ARRDC3: variants seen among roughly 807,000 people sequenced by gnomAD.
ARRDC3 encodes the protein arrestin domain-containing protein 3.
ARRDC3 carries 10 observed loss-of-function variants against 47.2 expected under a neutral mutation model. The ratio of observed to expected loss-of-function variants is 0.21; its 90% CI spans 0.13 to 0.36. ARRDC3 has a LOEUF of 0.36. Ranked by LOEUF, ARRDC3 falls within the 10% of genes least tolerant of loss-of-function variation. The pLI is 1.00. For synonymous variants in ARRDC3, 156 were observed against 178.3 expected (o/e 0.87, Z 1.00); for missense variants, 381 against 503.6 (o/e 0.76, Z 2.33).
In ARRDC3 at chr5:91,371,166, G is replaced by A. The variant is rs917562134; in HGVS notation, c.*234C>T. 1 of 532,756 alleles carries A rather than the reference G, an allele frequency of 1.9e-6. No individual in the cohort carries two copies. The highest frequency in any genetic ancestry group is 3.5e-5 in the Admixed American group (1 of 28,468). The allele number at this position is 532,756 out of a possible 1,614,324, so 33.0% of individuals were successfully genotyped here. A position where few individuals can be genotyped will look rare whatever the true frequency, so the allele number is the denominator to read the frequency against. On this transcript the variant is annotated 3_prime_UTR_variant, in exon 8 of 8. Coordinates refer to ENST00000265138, the MANE Select transcript of ARRDC3 (RefSeq NM_020801.4). ...CCATAGGCTAAGAAGACTGCTCTGA[G>A]TATGTGCCAGTTTTAAAAGAGAAAA...
chr5:91,382,256 G>T (rs892466355), intron 1 of ARRDC3, among the ~76,000 whole-genome samples: 15 of 152,120 alleles, frequency 9.9e-5, no homozygotes, highest in Non-Finnish European at 1.9e-4. Flanking sequence ...AAAGAATAGA[G>T]AAAAAACACG....
intron 2 of ARRDC3, 36 bp downstream of exon 2, chr5:91,378,658 G>A (rs1266079902): frequency 8.9e-7 from 1 of 1,119,264 alleles, no homozygotes; most frequent in South Asian, 1.4e-5. Context: ...CTGATCATAA[G>A]TATCTATAAA....
rs1052296873 is a variant in ARRDC3, at chr5:91,373,795, C to T, written c.1077G>A (p.Arg359=). The T allele has an allele frequency of 6.2e-7, 1 of 1,614,068 alleles. No homozygotes were observed. The highest frequency in any genetic ancestry group is 1.1e-5 in the South Asian group (1 of 91,084). Residue 359 remains arginine, a synonymous_variant, in exon 7 of 8, where the codon CGG becomes CGA. Transcript: ENST00000265138. ...YAEVVTEEQR[R]NNLAPVSACD... is the part of the protein sequence containing the mutation. ...AAGCACTCACTGGTGCAAGATTGTTCCGCCTTTGTTCCTCTGTTACCACTT... is the reference window on the plus strand; with the variant it reads ...AAGCACTCACTGGTGCAAGATTGTTTCGCCTTTGTTCCTCTGTTACCACTT...
chr5:91,375,262 G>C, intron 4 of ARRDC3, 84 bp from the exon 5 acceptor site: 1 of 1,407,976 alleles, frequency 7.1e-7, no homozygotes, highest in Non-Finnish European at 9.6e-7. Flanking sequence ...AAGTAAGAAA[G>C]TGCAACTAAC....
chr5:91,373,989 A>G, intron 6 of ARRDC3, 125 bp downstream of exon 6: 4 of 1,412,548 alleles, frequency 2.8e-6, no homozygotes, highest in Middle Eastern at 2.0e-4. Context: ...ACTGAATATT[A>G]GGGGCACATC....
Position 91,378,692 on chromosome 5 carries a change from AC to A in ARRDC3, c.362+1del, listed in dbSNP as rs1393304764. Reference sequence around the variant, plus strand: ...AAAATGCCTATTATTTATAATACTTACGTCTGTGGAAGCTCGAAGCTGAATG... The same window carrying A: ...AAAATGCCTATTATTTATAATACTTAGTCTGTGGAAGCTCGAAGCTGAATG... On this transcript the variant is annotated splice_donor_variant, in intron 2 of 7. Transcript: ENST00000265138. LOFTEE classifies it high-confidence loss of function. 2 of 1,545,612 alleles carry A rather than the reference AC, an allele frequency of 1.3e-6. No individual in the cohort carries two copies. The highest frequency in any genetic ancestry group is 1.4e-5 in the African/African-American group (1 of 72,626).
chr5:91,372,471 G>T (rs572165465), intron 7 of ARRDC3, among the ~76,000 whole-genome samples: 1 of 152,180 alleles, frequency 6.6e-6, no homozygotes, highest in East Asian at 1.9e-4. Flanking sequence ...GGACAGCCAG[G>T]AAGCCTCAAA....
At chr5:91,382,632 C>T (rs767125172) in intron 1 of ARRDC3, among the ~76,000 whole-genome samples, 181 bp downstream of exon 1, 5 of 152,194 alleles carry the variant, frequency 3.3e-5, no homozygotes, top group African/African-American at 4.8e-5. Flanking sequence ...TTTGCAGATG[C>T]CTGCATGCAT....
At chr5:91,371,510 GAA>G in intron 7 of ARRDC3, 54 bp from the exon 8 acceptor site, 1 of 1,396,166 alleles carries the variant, frequency 7.2e-7, no homozygotes, top group Admixed American at 1.9e-5. Context: ...GGTCTAGGAA[GAA>G]TGTAGCAAAT....
chr5:91,380,961 C>A (rs914162369), intron 1 of ARRDC3: 3 of 152,232 alleles, frequency 2.0e-5, no homozygotes, highest in Non-Finnish European at 4.4e-5. Flanking sequence ...TCTGGAGGAA[C>A]CTTTACCGGC....
At position 91,382,847 on chromosome 5, in the gene ARRDC3, G is replaced by C; in HGVS notation, c.246C>G (p.Phe82Leu). Residue 82 changes from phenylalanine to leucine, a missense_variant, in exon 1 of 8, where the codon TTC becomes TTG. Phe to Leu is a conservative substitution (Grantham distance 22, BLOSUM62 0). Coordinates refer to ENST00000265138, the MANE Select transcript of ARRDC3 (RefSeq NM_020801.4). The part of the protein sequence containing the change: ...TQNYTEEVEY[F>L]NHKDILIGHE... ...GCCCAATTAAGATGTCTTTATGGTT[G>C]AAATACTCTACTTCTTCAGTGTAAT... is the stretch of plus-strand genomic sequence containing the variant. 1.9e-6 allele frequency: 3 copies of C among 1,614,050 alleles called. No homozygotes were observed. Among genetic ancestry groups the C allele is most frequent in the Non-Finnish European group, 2.5e-6 (3 of 1,179,988 alleles).
At chr5:91,379,076 T>C (rs1006362359) in intron 1 of ARRDC3, among the ~76,000 whole-genome samples, 1 of 152,100 alleles carries the variant, frequency 6.6e-6, no homozygotes, top group Non-Finnish European at 1.5e-5. Flanking sequence ...ATAGTATATA[T>C]ACTCAAAAGG....
chr5:91,373,980 CTG>C, intron 6 of ARRDC3, 132 bp downstream of exon 6: 1 of 1,436,432 alleles, frequency 7.0e-7, no homozygotes, highest in East Asian at 2.3e-5. Context: ...ATAATCAAAA[CTG>C]AATATTAGGG....
Position 91,382,840 on chromosome 5 carries a change from T to C in ARRDC3, c.253A>G (p.Lys85Glu). 1 of 1,613,984 alleles carries C rather than the reference T, an allele frequency of 6.2e-7. No individual in the cohort carries two copies. ...YTEEVEYFNH[K>E]DILIGHERDD... The stretch of plus-strand genomic sequence containing the variant: ...CTTTCGTGCCCAATTAAGATGTCTT[T>C]ATGGTTGAAATACTCTACTTCTTCA... Residue 85 changes from lysine (K) to glutamate (E), a missense_variant, in exon 1 of 8, where the codon AAA (lysine) becomes GAA (glutamate). Lys to Glu is a moderately conservative substitution (Grantham distance 56). Coordinates refer to ENST00000265138, the MANE Select transcript of ARRDC3 (RefSeq NM_020801.4).
At position 91,369,699 on chromosome 5, in the gene ARRDC3, G is replaced by T. The variant is rs979383003; in HGVS notation, c.*1701C>A. On this transcript the variant is annotated 3_prime_UTR_variant, in exon 8 of 8. Coordinates refer to ENST00000265138, the MANE Select transcript of ARRDC3 (RefSeq NM_020801.4). ...GTAACACCCATTTTACACGTATGTT[G>T]CAACATCAGAGATGCTGGTTTTCTT... The T allele has an allele frequency of 6.6e-6, 1 of 152,046 alleles. No individual in the cohort carries two copies. The highest frequency in any genetic ancestry group is 2.4e-5 in the African/African-American group (1 of 41,384). 9.4% of individuals were successfully genotyped at this position (152,046 alleles called of 1,614,324 possible).
rs1290389757 is a variant in ARRDC3 at position 91,373,572 on chromosome 5, TTGTTC to T, written c.1188+107_1188+111del. The T allele has an allele frequency of 1.4e-5, 15 of 1,092,526 alleles. No homozygotes were observed. The African/African-American group carries it at 2.0e-4, about 15-fold the overall frequency. The allele number at this position is 1,092,526 out of a possible 1,614,324, so 67.7% of individuals were successfully genotyped here. On this transcript the variant is annotated intron_variant, in intron 7 of 7. Transcript: ENST00000265138. Reference sequence around the variant, plus strand: ...CTTTTAATCTGTTGTTTTAAATTATTTGTTCTGTTAACATGATAATCAAGATCTAA... The same window carrying T: ...CTTTTAATCTGTTGTTTTAAATTATTTGTTAACATGATAATCAAGATCTAA...
At chr5:91,377,966 TCAC>T (rs748915652) in intron 2 of ARRDC3, among the ~76,000 whole-genome samples, 5 of 152,108 alleles carry the variant, frequency 3.3e-5, no homozygotes, top group Admixed American at 6.5e-5. Flanking sequence ...TCCAGAATAA[TCAC>T]CACAAGTGCC....
At position 91,368,981 on chromosome 5, in the gene ARRDC3, T is replaced by C. The variant is rs1317645197; in HGVS notation, c.*2419A>G. 5 of 152,652 alleles carry C rather than the reference T, an allele frequency of 3.3e-5. No homozygotes were observed. The highest frequency in any genetic ancestry group is 1.2e-4 in the African/African-American group (5 of 41,458). The allele number at this position is 152,652 out of a possible 1,614,324, so 9.5% of individuals were successfully genotyped here. The stretch of plus-strand genomic sequence containing the variant: ...TAATTGAAAAATCAGGAATCTATCT[T>C]GAATACTGGAATACAACTGTGAACC... On this transcript the variant is annotated 3_prime_UTR_variant, in exon 8 of 8. Coordinates refer to ENST00000265138, the MANE Select transcript of ARRDC3 (RefSeq NM_020801.4).
Position 91,373,728 on chromosome 5 carries a change from A to G in ARRDC3, c.1144T>C (p.Tyr382His), listed in dbSNP as rs935386777. The change falls in exon 7 of 8, where the codon TAT becomes CAT. Residue 382 changes from tyrosine (Y) to histidine (H), a missense_variant. Tyr to His is a moderately conservative substitution (Grantham distance 83, BLOSUM62 2). Coordinates refer to ENST00000265138, the MANE Select transcript of ARRDC3 (RefSeq NM_020801.4). ...ERALQGPLFA[Y>H]IQEFRFLPPP... ...GGCAAGAATCGAAACTCCTGGATAT[A>G]TGCAAACAGTGGTCCTTGAAGGGCT... 5.6e-6 allele frequency: 9 copies of G among 1,613,958 alleles called. No individual in the cohort carries two copies. The highest frequency in any genetic ancestry group is 7.6e-6 in the Non-Finnish European group (9 of 1,179,954).
Sources: allele counts gnomAD v4.1 joint callset (sites outside exome capture counted in the v4.1 genomes callset), GRCh38; gene constraint gnomAD v4.1.1; transcripts MANE v1.5; gene names NCBI Gene and HGNC (gene_info 2026-07-23, HGNC 2026-07-21).